Variants in SYNPR observed in about 807,000 individuals in gnomAD.
The protein encoded by SYNPR is synaptoporin.
In SYNPR, 23 loss-of-function variants were observed where a neutral mutation model predicts 32.9. The ratio of observed to expected loss-of-function variants is 0.70; its 90% confidence interval spans 0.50 to 0.99. The LOEUF (loss-of-function observed/expected upper bound fraction) is 0.99, where lower values mean the gene tolerates loss of function less well. Ranked by LOEUF, SYNPR falls within the 50% of genes least tolerant of loss-of-function variation. SYNPR has a pLI of 0.00. For missense variants in SYNPR, 318 were observed against 349.3 expected (o/e 0.91, Z 0.71); for synonymous variants, 146 against 135.9 (o/e 1.07, Z -0.52).
intron 2 of SYNPR, among the ~76,000 whole-genome samples, chr3:63,310,106 C>T (rs113095197): frequency 2.2e-4 from 33 of 152,046 alleles, no homozygotes; most frequent in African/African-American, 2.9e-4. Flanking sequence ...CTTCCTGCCT[C>T]CAACTCCCCA....
At chr3:63,576,108 T>C (rs1373348863) in intron 4 of SYNPR, among the ~76,000 whole-genome samples, 1 of 152,168 alleles carries the variant, frequency 6.6e-6, no homozygotes, top group Non-Finnish European at 1.5e-5. Context: ...GACACTGTAA[T>C]ATACTGTGCT....
intron 2 of SYNPR, among the ~76,000 whole-genome samples, chr3:63,312,761 T>G (rs2086981501): frequency 6.6e-6 from 1 of 152,052 alleles, no homozygotes. Context: ...CTAAGCTCCC[T>G]AAAGCTTGCT....
At chr3:63,255,928 C>T (rs567272609) in intron 2 of SYNPR, among the ~76,000 whole-genome samples, 6 of 152,346 alleles carry the variant, frequency 3.9e-5, no homozygotes, top group African/African-American at 7.2e-5. Context: ...CTATATGCCG[C>T]GCCTAGCTCA....
chr3:63,252,705 GACAC>G (rs1179812042), intron 2 of SYNPR: 16 of 152,092 alleles, frequency 1.1e-4, no homozygotes, highest in Non-Finnish European at 1.8e-4. Flanking sequence ...GCAGTTAATG[GACAC>G]TGAGCAAATC....
chr3:63,390,548 C>T lies in SYNPR; in HGVS notation c.85-90284C>T, dbSNP rs75381843. On this transcript the variant is annotated intron_variant, in intron 2 of 5. Coordinates refer to ENST00000478300, the MANE Select transcript of SYNPR (RefSeq NM_001130003.2). ...GCAATGCCAATAGTACCATGTGAGA[C>T]GAAATAGAGCCCGTTGTGCATCTTA... Among the ~76,000 whole-genome samples, 26 of 152,268 alleles carry T rather than the reference C, an allele frequency of 1.7e-4. No homozygotes were observed. In the East Asian group the frequency reaches 3.3e-3, roughly 19 times the overall value.
chr3:63,333,313 C>T (rs1203165566), intron 2 of SYNPR, among the ~76,000 whole-genome samples: 3 of 150,440 alleles, frequency 2.0e-5, no homozygotes, highest in African/African-American at 7.4e-5. Context: ...GGTCATCTCC[C>T]AGTGATCCTG....
intron 1 of SYNPR, among the ~76,000 whole-genome samples, chr3:63,249,384 T>C (rs2086314050): frequency 6.6e-6 from 1 of 152,162 alleles, no homozygotes; most frequent in African/African-American, 2.4e-5. Flanking sequence ...TTCATCAATA[T>C]TTTAAAAACA....
At chr3:63,227,453 C>A (rs2086136630), upstream of SYNPR, among the ~76,000 whole-genome samples, 1 of 152,180 alleles carries the variant, frequency 6.6e-6, no homozygotes, top group Non-Finnish European at 1.5e-5. Context: ...CAGAAGATTA[C>A]TGTTGGCGAT....
chr3:63,474,755 T>C (rs1238136497), intron 2 of SYNPR, among the ~76,000 whole-genome samples: 1 of 152,164 alleles, frequency 6.6e-6, no homozygotes, highest in African/African-American at 2.4e-5. Context: ...TGGTACCAAC[T>C]ACTTGGTTTC....
intron 4 of SYNPR, among the ~76,000 whole-genome samples, chr3:63,580,739 A>T (rs1703075337): frequency 6.6e-6 from 1 of 152,142 alleles, no homozygotes; most frequent in South Asian, 2.1e-4. Flanking sequence ...TGCTTTGGGA[A>T]TTCATCCTTG....
intron 2 of SYNPR, among the ~76,000 whole-genome samples, chr3:63,317,234 A>G (rs899719548): frequency 5.3e-4 from 80 of 151,916 alleles, no homozygotes; most frequent in African/African-American, 1.8e-3. Context: ...TGTTCTGTAT[A>G]TATCTGTTAA....
chr3:63,596,352 ATCC>A (rs1559546941), intron 4 of SYNPR, among the ~76,000 whole-genome samples: 1 of 111,716 alleles, frequency 9.0e-6, no homozygotes, highest in East Asian at 3.0e-4. Flanking sequence ...TCTCTTCCCT[ATCC>A]TCCTCCTGTC....
At chr3:63,551,383 T>C (rs1183906417) in intron 3 of SYNPR, among the ~76,000 whole-genome samples, 1 of 152,248 alleles carries the variant, frequency 6.6e-6, no homozygotes, top group Non-Finnish European at 1.5e-5. Flanking sequence ...AACACTCTTG[T>C]ACAAGATTTT....
chr3:63,536,308 C>T (rs1451535912), intron 3 of SYNPR, among the ~76,000 whole-genome samples: 1 of 152,040 alleles, frequency 6.6e-6, no homozygotes, highest in Non-Finnish European at 1.5e-5. Context: ...GGGCAAAGAA[C>T]TTGAGTAGAC....
chr3:63,461,851 C>T (rs569365506), intron 2 of SYNPR, among the ~76,000 whole-genome samples: 4 of 151,996 alleles, frequency 2.6e-5, no homozygotes, highest in African/African-American at 9.6e-5. Flanking sequence ...TTGGGAAGAT[C>T]GTTTGAGATT....
chr3:63,411,110 C>T (rs569908231), intron 2 of SYNPR, among the ~76,000 whole-genome samples: 45 of 152,122 alleles, frequency 3.0e-4, no homozygotes, highest in South Asian at 6.2e-4. Flanking sequence ...AAACCTGATC[C>T]GATGCAATGT....
intron 4 of SYNPR, among the ~76,000 whole-genome samples, chr3:63,608,793 T>C (rs1365443421): frequency 1.3e-5 from 2 of 152,220 alleles, no homozygotes; most frequent in Non-Finnish European, 2.9e-5. Context: ...CCATTCTCTA[T>C]GTTAGTTTGA....
intron 3 of SYNPR, among the ~76,000 whole-genome samples, chr3:63,488,716 A>G (rs1355376413): frequency 1.3e-5 from 2 of 152,166 alleles, no homozygotes; most frequent in African/African-American, 4.8e-5. Context: ...AAGGAAGTCT[A>G]GTGAAAGAAA....
chr3:63,531,637 T>C (rs574686824), intron 3 of SYNPR, among the ~76,000 whole-genome samples: 1 of 152,284 alleles, frequency 6.6e-6, no homozygotes, highest in African/African-American at 2.4e-5. Context: ...GGAGATGTAA[T>C]TCAGTCCGCA....
Sources: gnomAD v4.1 joint callset for allele counts (sites outside exome capture counted in the v4.1 genomes callset) on GRCh38, gnomAD v4.1.1 for gene constraint, MANE v1.5 for transcripts, NCBI Gene and HGNC (gene_info 2026-07-23, HGNC 2026-07-21) for gene names.